The following ZNF394 variants were observed in gnomAD, a reference collection of about 807,000 sequenced individuals.
ZNF394 encodes the protein zinc finger protein 99.
In ZNF394, 19 loss-of-function variants were observed where a neutral mutation model predicts 21.8. That is an observed-to-expected ratio of 0.87 (90% CI 0.61 to 1.28). The LOEUF is 1.28. Ranked by LOEUF, ZNF394 falls within the 50% of genes most tolerant of loss-of-function variation. The pLI is 0.00. For synonymous variants in ZNF394, 294 were observed against 273.3 expected (o/e 1.08, Z -0.75); for missense variants, 683 against 708.6 (o/e 0.96, Z 0.41).
At chr7:99,497,155 T>TATATATATATATAA (rs1285527600) in intron 2 of ZNF394, among the ~76,000 whole-genome samples, 11 of 132,592 alleles carry the variant, frequency 8.3e-5, no homozygotes, top group African/African-American at 3.2e-4. Flanking sequence ...TATATATATA[T>TATATATATATATAA]AAAATGTTTT....
rs780342924 is a variant in ZNF394 at position 99,493,930 on chromosome 7, GGT to G, written c.1283_1284del (p.His428ProfsTer10). ...CTGTGGGTACTTTGATGACGATTTA[GGT>G]GTGAATTCTGCCTGAAGCGCTCCCC... ...KCGERFRQNSHLNRHQSTHSR... is the reference protein window; with the variant it reads ...KCGERFRQNSXLNRHQSTHSR... On this transcript the variant is annotated frameshift_variant, in exon 3 of 3. Transcript: ENST00000337673. LOFTEE classifies it low-confidence loss of function (END_TRUNC). 1 of 1,614,230 alleles carries G rather than the reference GGT, an allele frequency of 6.2e-7. No homozygotes were observed. Among genetic ancestry groups the G allele is most frequent in the Non-Finnish European group, 8.5e-7 (1 of 1,180,048 alleles).
intron 1 of ZNF394, 142 bp from the exon 2 acceptor site, chr7:99,498,984 T>A: frequency 1.6e-6 from 2 of 1,238,838 alleles, no homozygotes; most frequent in East Asian, 5.4e-5. Flanking sequence ...AAAGCCTTTC[T>A]GTGGACTATT....
At chr7:99,495,572 C>T (rs748053486) in intron 2 of ZNF394, among the ~76,000 whole-genome samples, 8 of 150,686 alleles carry the variant, frequency 5.3e-5, no homozygotes, top group African/African-American at 1.2e-4. Flanking sequence ...TTATCCACCC[C>T]CCTCGGCCTT....
downstream of ZNF394, among the ~76,000 whole-genome samples, chr7:99,490,322 T>G (rs1025220299): frequency 6.6e-6 from 1 of 151,864 alleles, no homozygotes; most frequent in Admixed American, 6.6e-5. Context: ...GCCCAGCTAA[T>G]TTTTGTATTT....
chr7:99,497,128 A>ATATATG (rs1800351580), intron 2 of ZNF394, among the ~76,000 whole-genome samples: 1 of 116,074 alleles, frequency 8.6e-6, no homozygotes, highest in African/African-American at 5.0e-5. Flanking sequence ...GTGTGTATAT[A>ATATATG]TATATATATA....
Position 99,500,281 on chromosome 7 carries a change from C to A in ZNF394, c.-188G>T. The A allele has an allele frequency of 1.8e-6, 1 of 550,708 alleles. No individual in the cohort carries two copies. The highest frequency in any genetic ancestry group is 3.0e-6 in the Non-Finnish European group (1 of 329,902). The allele number at this position is 550,708 out of a possible 1,614,324, so 34.1% of individuals were successfully genotyped here. ...ACTCTCTCGGTCAAACAACCGAAAA[C>A]ATCCCGTGCCGGAAGCGCGTCATCG... On this transcript the variant is annotated 5_prime_UTR_variant, in exon 1 of 3. Coordinates refer to ENST00000337673, the MANE Select transcript of ZNF394 (RefSeq NM_032164.4).
downstream of ZNF394, among the ~76,000 whole-genome samples, chr7:99,490,426 C>T (rs1800137475): frequency 6.6e-6 from 1 of 152,038 alleles, no homozygotes; most frequent in Admixed American, 6.6e-5. Context: ...CAGTGCTGGG[C>T]TTACAGGCGT....
Position 99,499,643 on chromosome 7 carries a change from A to T in ZNF394, c.451T>A (p.Ser151Thr). The change falls in exon 1 of 3, where the codon TCC becomes ACC. Residue 151 changes from serine (S) to threonine (T), a missense_variant. Coordinates refer to ENST00000337673, the MANE Select transcript of ZNF394 (RefSeq NM_032164.4). ...ALQRALDGTS[S>T]QGMVTFEDTA... ...ACAGGCCTTTCGCTTCTCACCTGGG[A>T]TGAGGTTCCATCGAGCGCTCGCTGC... The T allele has an allele frequency of 6.3e-7, 1 of 1,590,120 alleles. No individual in the cohort carries two copies. The highest frequency in any genetic ancestry group is 8.5e-7 in the Non-Finnish European group (1 of 1,171,306).
At position 99,499,957 on chromosome 7, in the gene ZNF394, G is replaced by A. The variant is rs2151085874; in HGVS notation, c.137C>T (p.Pro46Leu). 1 of 1,613,842 alleles carries A rather than the reference G, an allele frequency of 6.2e-7. No individual in the cohort carries two copies. Among genetic ancestry groups the A allele is most frequent in the African/African-American group, 1.3e-5 (1 of 75,056 alleles). ...LLPVKVEEDS[P>L]GSWEPNYPAA... ...GGGATAGTTGGGCTCCCAACTTCCG[G>A]GTGAGTCTTCCTCCACTTTCACGGG... is the stretch of plus-strand genomic sequence containing the variant. The change falls in exon 1 of 3, where the codon CCC becomes CTC. Residue 46 changes from proline (P) to leucine (L), a missense_variant. Transcript: ENST00000337673.
Position 99,498,863 on chromosome 7 carries a change from C to T in ZNF394, c.457-21G>A, listed in dbSNP as rs377165134. On this transcript the variant is annotated intron_variant, in intron 1 of 2. Transcript: ENST00000337673. ...ATCCCCTGGAACAACACAAGAGCCC[C>T]ATTCAGTACCTGCTGTCCCTGTACA... The T allele has an allele frequency of 3.7e-5, 60 of 1,605,660 alleles. No individual in the cohort carries two copies. In the African/African-American group the frequency reaches 6.3e-4, roughly 17 times the overall value.
In ZNF394 at chr7:99,494,343, C is replaced by A. The variant is rs369567452; in HGVS notation, c.872G>T (p.Arg291Met). Reference protein sequence around the residue: ...SKNNELQNSARCSNLVLCQHI... With the variant: ...SKNNELQNSAMCSNLVLCQHI... ...CTGACATAGAACAAGGTTGGAACAC[C>A]TGGCACTGTTCTGCAATTCATTATT... Residue 291 changes from arginine (R) to methionine (M), a missense_variant, in exon 3 of 3, where the codon AGG becomes ATG. Transcript: ENST00000337673. 1.9e-6 allele frequency: 3 copies of A among 1,614,080 alleles called. No individual in the cohort carries two copies. The highest frequency in any genetic ancestry group is 2.2e-5 in the East Asian group (1 of 44,900).
chr7:99,486,869 A>G (rs1465184469), exon 2 of ZNF394: 2 of 1,614,126 alleles, frequency 1.2e-6, no homozygotes, highest in East Asian at 4.5e-5. Flanking sequence ...GATCAACATC[A>G]AAGAATTCAC....
chr7:99,498,531 A>C, intron 2 of ZNF394, 185 bp downstream of exon 2: 1 of 713,040 alleles, frequency 1.4e-6, no homozygotes, highest in Non-Finnish European at 2.2e-6. Context: ...TAAAACATTA[A>C]AAATGAACCA....
At chr7:99,498,695 C>T (rs1457811381) in intron 2 of ZNF394, 21 bp downstream of exon 2, 2 of 1,613,674 alleles carry the variant, frequency 1.2e-6, no homozygotes, top group East Asian at 4.5e-5. Context: ...CGCAATAAAC[C>T]AGCAGAGCAA....
Position 99,499,522 on chromosome 7 carries a change from T to C in ZNF394, c.456+116A>G, listed in dbSNP as rs1021024794. Reference sequence around the variant, plus strand: ...CTGTGGCCTACAGAAAGGAAGTCCATACACACCCCAATGTTCACACGAAAT... The same window carrying C: ...CTGTGGCCTACAGAAAGGAAGTCCACACACACCCCAATGTTCACACGAAAT... On this transcript the variant is annotated intron_variant, in intron 1 of 2. Transcript: ENST00000337673. 5.9e-5 allele frequency: 57 copies of C among 972,338 alleles called. 1 individual carries two copies. The highest frequency in any genetic ancestry group is 8.6e-5 in the Non-Finnish European group (56 of 652,192). 60.2% of individuals were successfully genotyped at this position (972,338 alleles called of 1,614,324 possible).
At chr7:99,492,852 T>G (rs2151080139), downstream of ZNF394, among the ~76,000 whole-genome samples, 1 of 151,126 alleles carries the variant, frequency 6.6e-6, no homozygotes. Context: ...CTCAGGAGGT[T>G]AAGGCAAGAG....
At chr7:99,492,929 G>C (rs1800193537), downstream of ZNF394, among the ~76,000 whole-genome samples, 1 of 152,106 alleles carries the variant, frequency 6.6e-6, no homozygotes, top group Non-Finnish European at 1.5e-5. Context: ...TCCCGCTGGA[G>C]GGCTACGACG....
rs1584149715 is a variant in ZNF394, at chr7:99,499,705, T to G, written c.389A>C (p.Glu130Ala). The G allele has an allele frequency of 6.2e-7, 1 of 1,613,476 alleles. No homozygotes were observed. Among genetic ancestry groups the G allele is most frequent in the East Asian group, 2.2e-5 (1 of 44,870 alleles). ...LQAWVREHCP[E>A]SGEEAVAVVR... ...CACGGCCACCGCCTCCTCCCCGCTCTCTGGGCAGTGCTCTCGCACCCAGGC... is the reference window on the plus strand; with the variant it reads ...CACGGCCACCGCCTCCTCCCCGCTCGCTGGGCAGTGCTCTCGCACCCAGGC... Residue 130 changes from glutamate (E) to alanine (A), a missense_variant, in exon 1 of 3, where the codon GAG (glutamate) becomes GCG (alanine). Physicochemically the swap from Glu to Ala is moderately radical, Grantham distance 107. This residue lies in a region of ZNF394 where 402 missense variants were observed against 373.8 expected (regional missense o/e 1.08). Transcript: ENST00000337673.
At chr7:99,495,517 G>T (rs1265978458) in intron 2 of ZNF394, among the ~76,000 whole-genome samples, 1 of 150,240 alleles carries the variant, frequency 6.7e-6, no homozygotes, top group Non-Finnish European at 1.5e-5. Flanking sequence ...TGGGGACGAG[G>T]TTTCACCATC....
Sources: allele counts gnomAD v4.1 joint callset (sites outside exome capture counted in the v4.1 genomes callset), GRCh38; gene constraint gnomAD v4.1.1; regional missense constraint gnomAD v4.1.1; transcripts MANE v1.5; gene names NCBI Gene and HGNC (gene_info 2026-07-23, HGNC 2026-07-21).